Variants in BBS9 observed in about 807,000 individuals in gnomAD.
BBS9 encodes the protein protein PTHB1.
BBS9 carries 89 observed loss-of-function variants against 117.7 expected under a neutral mutation model. That is an observed-to-expected ratio of 0.76 (90% confidence interval 0.64 to 0.90). The LOEUF (loss-of-function observed/expected upper bound fraction) is 0.90. Among genes scored for constraint, BBS9 ranks in the 40% least tolerant of loss-of-function variants. The pLI is 0.00. For missense variants in BBS9, 982 were observed against 1,042.2 expected (o/e 0.94, Z 0.80); for synonymous variants, 379 against 370.9 (o/e 1.02, Z -0.25).
At chr7:33,431,616 C>G (rs896469025) in intron 19 of BBS9, among the ~76,000 whole-genome samples, 1 of 152,158 alleles carries the variant, frequency 6.6e-6, no homozygotes, top group African/African-American at 2.4e-5. Flanking sequence ...CATCTATGGA[C>G]TAGAAATAGG....
At chr7:33,404,685 C>T (rs1205362400) in intron 19 of BBS9, among the ~76,000 whole-genome samples, 1 of 149,966 alleles carries the variant, frequency 6.7e-6, no homozygotes, top group African/African-American at 2.5e-5. Context: ...GATTTTTGTA[C>T]ATTGATTTTG....
intron 19 of BBS9, among the ~76,000 whole-genome samples, chr7:33,432,296 A>G (rs1834619315): frequency 6.8e-6 from 1 of 146,882 alleles, no homozygotes; most frequent in African/African-American, 2.6e-5. Context: ...TTTTTAGTAG[A>G]GACGGGGTTT....
intron 19 of BBS9, among the ~76,000 whole-genome samples, chr7:33,472,006 T>C (rs1431613064): frequency 6.8e-6 from 1 of 146,546 alleles, no homozygotes; most frequent in Non-Finnish European, 1.5e-5. Flanking sequence ...AGTCATTTCT[T>C]AGGGCAAAAA....
chr7:33,569,308 T>G (rs1258515137), intron 21 of BBS9, among the ~76,000 whole-genome samples: 1 of 152,066 alleles, frequency 6.6e-6, no homozygotes, highest in African/African-American at 2.4e-5. Flanking sequence ...ATGCTAGGAT[T>G]AAACAAAGAA....
At chr7:33,444,314 G>C (rs116426507) in intron 19 of BBS9, among the ~76,000 whole-genome samples, 347 of 152,234 alleles carry the variant, frequency 2.3e-3, no homozygotes, top group African/African-American at 8.1e-3. Flanking sequence ...CTCTATTAGG[G>C]AGATAAAAAT....
At chr7:33,411,840 T>A (rs1831197125) in intron 19 of BBS9, among the ~76,000 whole-genome samples, 2 of 152,122 alleles carry the variant, frequency 1.3e-5, no homozygotes, top group South Asian at 4.1e-4. Context: ...GTCTTTATGA[T>A]TAGAGGAGGT....
chr7:33,304,844 G>C (rs544493746), intron 9 of BBS9, among the ~76,000 whole-genome samples: 36 of 152,120 alleles, frequency 2.4e-4, no homozygotes, highest in South Asian at 1.0e-3. Context: ...CCCCAACCCC[G>C]TGCTCTCTGA....
At chr7:33,234,518 G>A (rs974745547) in intron 5 of BBS9, among the ~76,000 whole-genome samples, 8 of 151,814 alleles carry the variant, frequency 5.3e-5, no homozygotes, top group African/African-American at 1.7e-4. Context: ...TACCCTCTTA[G>A]CAACTATGTA....
At chr7:33,171,049 A>G (rs560211421) in intron 4 of BBS9, among the ~76,000 whole-genome samples, 5,097 of 150,948 alleles carry the variant, frequency 0.034, 285 homozygotes, top group African/African-American at 0.12. Context: ...TACAGATTCA[A>G]TGCCATCCCC....
intron 9 of BBS9, among the ~76,000 whole-genome samples, chr7:33,297,190 G>A (rs1805449080): frequency 6.6e-6 from 1 of 152,142 alleles, no homozygotes; most frequent in Non-Finnish European, 1.5e-5. Flanking sequence ...TCAGAATTTA[G>A]TGGATATCTC....
chr7:33,429,826 G>T (rs1197499896), intron 19 of BBS9, among the ~76,000 whole-genome samples: 1 of 152,072 alleles, frequency 6.6e-6, no homozygotes, highest in East Asian at 1.9e-4. Context: ...CTGTTTAGGA[G>T]AATAACTTTA....
At chr7:33,283,363 T>C (rs1228905832) in intron 9 of BBS9, among the ~76,000 whole-genome samples, 1 of 152,184 alleles carries the variant, frequency 6.6e-6, no homozygotes, top group African/African-American at 2.4e-5. Context: ...TATTTCTCAG[T>C]CCTTAAGAAT....
At position 33,264,304 on chromosome 7, in the gene BBS9, C is replaced by T. The variant is rs1225416201; in HGVS notation, c.632C>T (p.Ala211Val). 2.6e-6 allele frequency: 4 copies of T among 1,550,494 alleles called. No homozygotes were observed. The highest frequency in any genetic ancestry group is 1.8e-5 in the Admixed American group (1 of 56,216). The part of the protein sequence containing the change: ...QVESYKYQVL[A>V]FATDADKRQE... ...CTTTCATACAGGTACCAGGTACTTG[C>T]TTTTGCAACAGATGCAGATAAAAGG... is the stretch of plus-strand genomic sequence containing the variant. Residue 211 changes from alanine to valine, a missense_variant, in exon 7 of 23, where the codon GCT becomes GTT. By Grantham distance (64) the Ala-to-Val change is moderately conservative. Coordinates refer to ENST00000242067, the MANE Select transcript of BBS9 (RefSeq NM_198428.3).
chr7:33,514,357 A>G (rs949116887), intron 20 of BBS9, among the ~76,000 whole-genome samples: 5 of 152,206 alleles, frequency 3.3e-5, no homozygotes, highest in Admixed American at 2.6e-4. Context: ...GAAGGGGAAC[A>G]TGATATTAAG....
chr7:33,471,641 C>T (rs758570665), intron 19 of BBS9, among the ~76,000 whole-genome samples: 1 of 152,204 alleles, frequency 6.6e-6, no homozygotes, highest in Non-Finnish European at 1.5e-5. Context: ...CACCACACCA[C>T]ATTGCCAGAG....
intron 20 of BBS9, among the ~76,000 whole-genome samples, chr7:33,524,924 A>G (rs1265093299): frequency 2.6e-5 from 4 of 152,304 alleles, no homozygotes; most frequent in South Asian, 2.1e-4. Flanking sequence ...CTTTGAATGC[A>G]TCCCAGAGAT....
At chr7:33,449,049 C>T (rs925309536) in intron 19 of BBS9, among the ~76,000 whole-genome samples, 1 of 152,216 alleles carries the variant, frequency 6.6e-6, no homozygotes, top group African/African-American at 2.4e-5. Flanking sequence ...TGCCAGTAGT[C>T]TGGTTCCAGA....
At chr7:33,199,607 A>G (rs1785505995) in intron 5 of BBS9, among the ~76,000 whole-genome samples, 1 of 151,582 alleles carries the variant, frequency 6.6e-6, no homozygotes, top group African/African-American at 2.4e-5. Context: ...TTAATGTTAT[A>G]CTTACTCAGT....
At chr7:33,403,664 C>T (rs1198534091) in intron 19 of BBS9, among the ~76,000 whole-genome samples, 1 of 151,646 alleles carries the variant, frequency 6.6e-6, no homozygotes, top group Admixed American at 6.6e-5. Flanking sequence ...TTTATGGCTG[C>T]GTAGTATTCC....
Sources: allele counts gnomAD v4.1 joint callset (sites outside exome capture counted in the v4.1 genomes callset), GRCh38; gene constraint gnomAD v4.1.1; transcripts MANE v1.5; gene names NCBI Gene and HGNC (gene_info 2026-07-23, HGNC 2026-07-21).